GABRB1: variants seen among roughly 807,000 people sequenced by gnomAD.
The protein encoded by GABRB1 is gamma-aminobutyric acid type A receptor subunit beta1, also known as gamma-aminobutyric acid receptor subunit beta-1.
Under a neutral mutation model 51.6 loss-of-function variants are expected in GABRB1, and 17 were observed. The observed-to-expected ratio is 0.33, with a 90% confidence interval of 0.23 to 0.49. GABRB1 has a LOEUF of 0.49. GABRB1 is among the 20% of genes least tolerant of loss of function. GABRB1 has a pLI of 0.99. For synonymous variants in GABRB1, 247 were observed against 218.9 expected, an observed-to-expected ratio of 1.13 and a Z score of -1.14; for missense variants, 410 against 600.6, an observed-to-expected ratio of 0.68 and a Z score of 3.32.
chr4:47,348,945 C>A (rs1726206446), intron 5 of GABRB1, among the ~76,000 whole-genome samples: 1 of 152,026 alleles, frequency 6.6e-6, no homozygotes, highest in African/African-American at 2.4e-5. Flanking sequence ...GTAAAGTATA[C>A]AATATGAATA....
intron 4 of GABRB1, among the ~76,000 whole-genome samples, chr4:47,227,841 G>A (rs1184118310): frequency 6.6e-6 from 1 of 152,100 alleles, no homozygotes; most frequent in East Asian, 1.9e-4. Flanking sequence ...CCTTGCAGAT[G>A]GCTGCCTTCT....
chr4:47,262,609 G>A (rs1432711576), intron 4 of GABRB1, among the ~76,000 whole-genome samples: 1 of 152,176 alleles, frequency 6.6e-6, no homozygotes, highest in Admixed American at 6.6e-5. Context: ...GTGTAAACTA[G>A]TTCAACCCTT....
At chr4:47,230,574 C>T (rs902696853) in intron 4 of GABRB1, among the ~76,000 whole-genome samples, 1 of 152,092 alleles carries the variant, frequency 6.6e-6, no homozygotes, top group African/African-American at 2.4e-5. Context: ...TTGGAAAAAG[C>T]TGTGCAGTGC....
intron 1 of GABRB1, among the ~76,000 whole-genome samples, chr4:47,009,267 C>A (rs1577821283): frequency 6.6e-6 from 1 of 150,726 alleles, no homozygotes; most frequent in Admixed American, 6.6e-5. Context: ...AATTATGTAT[C>A]TATAAAAAGT....
chr4:47,136,941 T>C (rs1038412222), intron 3 of GABRB1, among the ~76,000 whole-genome samples: 2 of 152,154 alleles, frequency 1.3e-5, no homozygotes, highest in Admixed American at 1.3e-4. Flanking sequence ...TTTCAACTTA[T>C]ATTTTTCCAA....
chr4:47,049,206 C>T (rs972967168), intron 3 of GABRB1, among the ~76,000 whole-genome samples: 4 of 152,020 alleles, frequency 2.6e-5, no homozygotes, highest in African/African-American at 7.3e-5. Context: ...CTAGCAAAGG[C>T]GATTTGTTTG....
intron 3 of GABRB1, among the ~76,000 whole-genome samples, chr4:47,110,188 C>A (rs1715158311): frequency 1.3e-5 from 2 of 152,118 alleles, no homozygotes; most frequent in African/African-American, 4.8e-5. Flanking sequence ...AGATATTGGG[C>A]CAAATCTGAT....
intron 4 of GABRB1, among the ~76,000 whole-genome samples, chr4:47,251,216 C>T (rs1721974201): frequency 6.6e-6 from 1 of 152,082 alleles, no homozygotes; most frequent in Non-Finnish European, 1.5e-5. Flanking sequence ...TTATTGTGCT[C>T]TTCTGGGTCT....
chr4:47,200,508 T>C (rs1190791050), intron 4 of GABRB1, among the ~76,000 whole-genome samples: 2 of 152,136 alleles, frequency 1.3e-5, no homozygotes, highest in African/African-American at 2.4e-5. Flanking sequence ...TGGCAAAGTG[T>C]GACTGACTTA....
chr4:47,145,929 C>G (rs746365626), intron 3 of GABRB1, among the ~76,000 whole-genome samples: 3 of 152,014 alleles, frequency 2.0e-5, no homozygotes, highest in Non-Finnish European at 2.9e-5. Context: ...TGCATCAGCA[C>G]AGCCTTTTTT....
At chr4:47,191,873 T>C (rs916394293) in intron 4 of GABRB1, among the ~76,000 whole-genome samples, 4 of 152,124 alleles carry the variant, frequency 2.6e-5, no homozygotes, top group African/African-American at 9.7e-5. Flanking sequence ...AACTAAACTC[T>C]TGTAATTGGA....
intron 4 of GABRB1, among the ~76,000 whole-genome samples, chr4:47,253,170 C>A (rs1722058347): frequency 6.6e-6 from 1 of 152,074 alleles, no homozygotes; most frequent in African/African-American, 2.4e-5. Context: ...GGCTCTTGAA[C>A]AGATATACTA....
chr4:47,385,350 G>A (rs1404753758), intron 5 of GABRB1, among the ~76,000 whole-genome samples: 3 of 152,114 alleles, frequency 2.0e-5, no homozygotes, highest in Admixed American at 1.3e-4. Flanking sequence ...AGATCTCAGT[G>A]GAAATTAAGA....
chr4:47,390,191 A>G (rs1183283389), intron 5 of GABRB1, among the ~76,000 whole-genome samples: 1 of 152,218 alleles, frequency 6.6e-6, no homozygotes, highest in South Asian at 2.1e-4. Flanking sequence ...CTATGAGATA[A>G]TTGTTTTAGA....
In GABRB1 at chr4:47,161,503, T is replaced by C. The variant is rs199624061; in HGVS notation, c.461+34T>C. Reference sequence around the variant, plus strand: ...CTTTATGTTGCATGTTTTAATGTTGTTGTTGTTTTGTTTCATTTTAAACTT... The same window carrying C: ...CTTTATGTTGCATGTTTTAATGTTGCTGTTGTTTTGTTTCATTTTAAACTT... On this transcript the variant is annotated intron_variant, in intron 4 of 8. Coordinates refer to ENST00000295454, the MANE Select transcript of GABRB1 (RefSeq NM_000812.4). 2.1e-4 allele frequency: 320 copies of C among 1,559,396 alleles called. No homozygotes were observed. In the African/African-American group the frequency reaches 3.9e-3, roughly 19 times the overall value.
At chr4:47,220,801 G>A (rs1057291825) in intron 4 of GABRB1, among the ~76,000 whole-genome samples, 3 of 151,604 alleles carry the variant, frequency 2.0e-5, no homozygotes, top group African/African-American at 4.8e-5. Context: ...CTATTATCTT[G>A]CTCTCATAAT....
intron 4 of GABRB1, among the ~76,000 whole-genome samples, chr4:47,267,079 T>G (rs1722666905): frequency 6.6e-6 from 1 of 152,166 alleles, no homozygotes; most frequent in Non-Finnish European, 1.5e-5. Flanking sequence ...TGCCTTACTA[T>G]TAAAATGAAC....
intron 4 of GABRB1, among the ~76,000 whole-genome samples, chr4:47,178,480 AC>A (rs1249955493): frequency 6.6e-6 from 1 of 151,998 alleles, no homozygotes; most frequent in Admixed American, 6.6e-5. Flanking sequence ...ACGTGCTGAG[AC>A]TTTTGTCATT....
intron 3 of GABRB1, among the ~76,000 whole-genome samples, chr4:47,089,973 C>T (rs1190179483): frequency 2.0e-5 from 3 of 152,064 alleles, no homozygotes; most frequent in African/African-American, 7.2e-5. Context: ...TATACTTTTC[C>T]TTTTATAATA....
Sources: allele counts gnomAD v4.1 joint callset (sites outside exome capture counted in the v4.1 genomes callset), GRCh38; gene constraint gnomAD v4.1.1; transcripts MANE v1.5; gene names NCBI Gene and HGNC (gene_info 2026-07-23, HGNC 2026-07-21).